The following REDIC1 variants were observed in gnomAD, a reference collection of about 807,000 sequenced individuals.
REDIC1 encodes the protein regulator of DNA class I crossover intermediates 1.
At chr12:39,891,345 G>A in the REDIC1 span, among the ~76,000 whole-genome samples, 8 of 151,548 alleles carry the variant, frequency 5.3e-5, no homozygotes, top group East Asian at 3.9e-4. Context: ...GGAGGGACCC[G>A]CACTGTTTCA....
chr12:39,732,724 AT>A, the REDIC1 span, among the ~76,000 whole-genome samples: 2 of 152,208 alleles, frequency 1.3e-5, no homozygotes, highest in Non-Finnish European at 2.9e-5. Flanking sequence ...TCTTAATATA[AT>A]TAATTATGAA....
the REDIC1 span, among the ~76,000 whole-genome samples, chr12:39,727,640 C>A: frequency 4.6e-5 from 7 of 150,694 alleles, no homozygotes; most frequent in Non-Finnish European, 8.8e-5. Flanking sequence ...TTAGCTTTTT[C>A]TAATTCTGTG....
chr12:39,732,572 C>T, the REDIC1 span, among the ~76,000 whole-genome samples: 1 of 151,826 alleles, frequency 6.6e-6, no homozygotes, highest in South Asian at 2.1e-4. Context: ...ACAAAAATAC[C>T]CCCTCCTCCA....
the REDIC1 span, among the ~76,000 whole-genome samples, chr12:39,704,763 G>T: frequency 2.5e-3 from 384 of 152,230 alleles, 1 homozygote; most frequent in Non-Finnish European, 3.9e-3. Flanking sequence ...TGAGTTCATG[G>T]CCTTTGTAGG....
chr12:39,720,733 T>A, the REDIC1 span: 1 of 1,261,874 alleles, frequency 7.9e-7, no homozygotes, highest in South Asian at 1.3e-5. Context: ...AGTGATTGAA[T>A]GCATTTTTAA....
chr12:39,850,650 T>C, the REDIC1 span, among the ~76,000 whole-genome samples: 2 of 152,228 alleles, frequency 1.3e-5, no homozygotes, highest in African/African-American at 4.8e-5. Context: ...TATTTACTTA[T>C]GTGTTTAGCT....
the REDIC1 span, chr12:39,626,252 GA>G: frequency 6.6e-7 from 1 of 1,507,012 alleles, no homozygotes; most frequent in Non-Finnish European, 9.2e-7. Context: ...GGCCCTGGGG[GA>G]TCCTGCTGAA....
chr12:39,825,515 T>C, the REDIC1 span, among the ~76,000 whole-genome samples: 4 of 152,180 alleles, frequency 2.6e-5, no homozygotes, highest in Admixed American at 2.0e-4. Flanking sequence ...AAGTAGGGTA[T>C]AGAAATCACT....
the REDIC1 span, among the ~76,000 whole-genome samples, chr12:39,735,958 A>G: frequency 6.6e-6 from 1 of 152,358 alleles, no homozygotes; most frequent in Middle Eastern, 3.4e-3. Context: ...ATACTTGGAG[A>G]AACACTGCCA....
chr12:39,801,339 TAAAAAA>T, the REDIC1 span, among the ~76,000 whole-genome samples: 22,457 of 126,880 alleles, frequency 0.18, 1,693 homozygotes, highest in East Asian at 0.32. Flanking sequence ...ATGAGGAAAT[TAAAAAA>T]AAAAAAAAAA....
chr12:39,676,909 AC>A, the REDIC1 span, among the ~76,000 whole-genome samples: 1 of 152,136 alleles, frequency 6.6e-6, no homozygotes, highest in Non-Finnish European at 1.5e-5. Context: ...GAGAGAATTC[AC>A]CACTACCAAG....
At chr12:39,812,801 G>A in the REDIC1 span, among the ~76,000 whole-genome samples, 2 of 149,652 alleles carry the variant, frequency 1.3e-5, no homozygotes, top group Non-Finnish European at 3.0e-5. Flanking sequence ...GACTTTAGGG[G>A]GTGGGGGGAC....
At chr12:39,708,154 G>A in the REDIC1 span, among the ~76,000 whole-genome samples, 1 of 151,676 alleles carries the variant, frequency 6.6e-6, no homozygotes, top group Non-Finnish European at 1.5e-5. Context: ...TTCAAATAAT[G>A]AAAACAATGT....
At chr12:39,898,778 T>C in the REDIC1 span, among the ~76,000 whole-genome samples, 3 of 152,160 alleles carry the variant, frequency 2.0e-5, no homozygotes, top group Admixed American at 1.3e-4. Flanking sequence ...TCTCTCTCAA[T>C]TATTCTCTCA....
chr12:39,681,656 T>C, the REDIC1 span, among the ~76,000 whole-genome samples: 4 of 152,150 alleles, frequency 2.6e-5, no homozygotes, highest in Admixed American at 6.6e-5. Flanking sequence ...AAGGCCCTCA[T>C]TGAGAAACAA....
chr12:39,817,230 A>T, the REDIC1 span, among the ~76,000 whole-genome samples: 1 of 152,170 alleles, frequency 6.6e-6, no homozygotes, highest in African/African-American at 2.4e-5. Flanking sequence ...CTTTTGAAAG[A>T]CTCAAAGTAG....
chr12:39,689,640 G>A, the REDIC1 span, among the ~76,000 whole-genome samples: 2 of 152,238 alleles, frequency 1.3e-5, no homozygotes, highest in East Asian at 1.9e-4. Context: ...AGGTTGGAGG[G>A]TATGAAGTAG....
chr12:39,716,821 A>T, the REDIC1 span: 3 of 1,597,252 alleles, frequency 1.9e-6, no homozygotes, highest in Non-Finnish European at 2.6e-6. Context: ...CAGCTGTTTC[A>T]GTTCTAGTTC....
At chr12:39,851,588 C>T in the REDIC1 span, among the ~76,000 whole-genome samples, 7 of 152,136 alleles carry the variant, frequency 4.6e-5, no homozygotes, top group Non-Finnish European at 7.4e-5. Flanking sequence ...ATCATCCATG[C>T]TAAATGCCAA....
Sources: allele counts gnomAD v4.1 joint callset (sites outside exome capture counted in the v4.1 genomes callset), GRCh38; gene constraint gnomAD v4.1.1; transcripts MANE v1.5; gene names NCBI Gene and HGNC (gene_info 2026-07-23, HGNC 2026-07-21).